GRID2: variants seen among roughly 807,000 people sequenced by gnomAD.
GRID2 encodes the protein glutamate ionotropic receptor delta type subunit 2.
In GRID2, 33 loss-of-function variants were observed where a neutral mutation model predicts 114.8. The observed-to-expected ratio is 0.29, with a 90% CI of 0.22 to 0.38. The LOEUF (loss-of-function observed/expected upper bound fraction) is 0.38. GRID2 is among the 10% of genes least tolerant of loss of function. The pLI is 1.00. For synonymous variants in GRID2, 505 were observed against 449.9 expected (o/e 1.12, Z -1.55); for missense variants, 1,184 against 1,257.7 (o/e 0.94, Z 0.89).
chr4:92,888,233 C>T (rs1746509570), intron 2 of GRID2, among the ~76,000 whole-genome samples: 1 of 151,896 alleles, frequency 6.6e-6, no homozygotes, highest in Admixed American at 6.6e-5. Context: ...TTATTAACTC[C>T]AGAACACATA....
intron 1 of GRID2, among the ~76,000 whole-genome samples, chr4:92,545,280 A>G (rs1726185471): frequency 6.6e-6 from 1 of 152,160 alleles, no homozygotes. Flanking sequence ...TTAGCACTGC[A>G]CAATAGAGAA....
At chr4:92,637,260 T>C (rs909495193) in intron 2 of GRID2, among the ~76,000 whole-genome samples, 1 of 152,038 alleles carries the variant, frequency 6.6e-6, no homozygotes, top group Non-Finnish European at 1.5e-5. Context: ...CTTTAAAATA[T>C]CATTTTCATC....
intron 2 of GRID2, among the ~76,000 whole-genome samples, chr4:92,648,872 AT>A (rs1731773945): frequency 1.4e-5 from 2 of 147,192 alleles, no homozygotes; most frequent in South Asian, 4.3e-4. Flanking sequence ...TGTCAAATTG[AT>A]TTTTAAAATA....
intron 2 of GRID2, among the ~76,000 whole-genome samples, chr4:92,847,226 A>G (rs1392035478): frequency 6.6e-6 from 1 of 151,992 alleles, no homozygotes; most frequent in African/African-American, 2.4e-5. Context: ...CTTCCTTTGG[A>G]GCCTTGCCTA....
At chr4:93,688,360 T>C (rs1726259848) in intron 14 of GRID2, among the ~76,000 whole-genome samples, 2 of 152,000 alleles carry the variant, frequency 1.3e-5, no homozygotes, top group Non-Finnish European at 2.9e-5. Flanking sequence ...TACTTGATGC[T>C]TGCTAGAATT....
At chr4:93,254,052 A>T (rs944999225) in intron 8 of GRID2, among the ~76,000 whole-genome samples, 1 of 152,106 alleles carries the variant, frequency 6.6e-6, no homozygotes, top group Non-Finnish European at 1.5e-5. Flanking sequence ...GTTATATAGA[A>T]AGCTGAGTTT....
chr4:93,275,340 C>T (rs137948394), intron 8 of GRID2, among the ~76,000 whole-genome samples: 21 of 151,578 alleles, frequency 1.4e-4, no homozygotes, highest in Middle Eastern at 3.4e-3. Context: ...CAGTTGTTTC[C>T]GCTTTTCCTC....
intron 1 of GRID2, among the ~76,000 whole-genome samples, chr4:92,419,295 C>G (rs1217350307): frequency 6.6e-6 from 1 of 152,056 alleles, no homozygotes; most frequent in African/African-American, 2.4e-5. Flanking sequence ...TTTAAACCTC[C>G]TAAAACTCTT....
At chr4:93,666,276 G>T (rs1723935653) in intron 14 of GRID2, among the ~76,000 whole-genome samples, 1 of 151,882 alleles carries the variant, frequency 6.6e-6, no homozygotes, top group Non-Finnish European at 1.5e-5. Context: ...TTATATATAA[G>T]CACCTTTTAT....
chr4:93,572,473 CATTAT>C (rs537182178), intron 13 of GRID2, among the ~76,000 whole-genome samples: 7 of 151,996 alleles, frequency 4.6e-5, no homozygotes, highest in East Asian at 1.9e-4. Context: ...TTAGAGACCT[CATTAT>C]ATTATAATTT....
At chr4:93,517,341 T>C (rs1255961686) in intron 13 of GRID2, among the ~76,000 whole-genome samples, 1 of 152,102 alleles carries the variant, frequency 6.6e-6, no homozygotes, top group Non-Finnish European at 1.5e-5. Flanking sequence ...ATAATTTCTA[T>C]TCTTTGTTAG....
At chr4:93,259,891 C>T (rs1750063397) in intron 8 of GRID2, among the ~76,000 whole-genome samples, 1 of 151,620 alleles carries the variant, frequency 6.6e-6, no homozygotes, top group Non-Finnish European at 1.5e-5. Flanking sequence ...ATTTCTACTG[C>T]CTTTGCTATT....
At chr4:92,813,964 C>A (rs1740767612) in intron 2 of GRID2, among the ~76,000 whole-genome samples, 2 of 152,106 alleles carry the variant, frequency 1.3e-5, no homozygotes, top group Non-Finnish European at 2.9e-5. Flanking sequence ...CATTGATTCC[C>A]TAACAATGTA....
intron 8 of GRID2, among the ~76,000 whole-genome samples, chr4:93,387,305 A>G (rs1764412613): frequency 6.6e-6 from 1 of 152,148 alleles, no homozygotes; most frequent in Non-Finnish European, 1.5e-5. Context: ...CTCCAATAAA[A>G]CAACTTATTT....
chr4:92,965,398 A>G (rs1753072712), intron 2 of GRID2, among the ~76,000 whole-genome samples: 1 of 146,054 alleles, frequency 6.8e-6, no homozygotes, highest in Admixed American at 6.9e-5. Flanking sequence ...CTGTTGGAAA[A>G]ATTGTGCAAA....
intron 8 of GRID2, among the ~76,000 whole-genome samples, chr4:93,291,120 G>A (rs543355313): frequency 1.3e-4 from 19 of 151,926 alleles, no homozygotes; most frequent in African/African-American, 4.3e-4. Context: ...CTCTTGATCC[G>A]CCCACCAGAT....
chr4:93,278,392 A>G (rs1384238330), intron 8 of GRID2, among the ~76,000 whole-genome samples: 1 of 151,950 alleles, frequency 6.6e-6, no homozygotes, highest in African/African-American at 2.4e-5. Context: ...TTTGAGAGAT[A>G]GTCGTTAAAA....
intron 8 of GRID2, among the ~76,000 whole-genome samples, chr4:93,358,178 C>G (rs1391378271): frequency 6.6e-6 from 1 of 151,686 alleles, no homozygotes; most frequent in Non-Finnish European, 1.5e-5. Flanking sequence ...TCCAGATAGG[C>G]AATTATATCC....
intron 3 of GRID2, among the ~76,000 whole-genome samples, chr4:93,101,421 C>T (rs1731694762): frequency 6.6e-6 from 1 of 151,944 alleles, no homozygotes; most frequent in African/African-American, 2.4e-5. Context: ...TCCCTTAACC[C>T]CTCTACCCTT....
Sources: allele counts gnomAD v4.1 joint callset (sites outside exome capture counted in the v4.1 genomes callset), GRCh38; gene constraint gnomAD v4.1.1; transcripts MANE v1.5; gene names NCBI Gene and HGNC (gene_info 2026-07-23, HGNC 2026-07-21).